GAP43: variants seen among roughly 807,000 people sequenced by gnomAD.
GAP43 encodes the protein neuromodulin.
In GAP43, 6 loss-of-function variants were observed where a neutral mutation model predicts 18.6. The ratio of observed to expected loss-of-function variants is 0.32; its 90% CI spans 0.18 to 0.64. The LOEUF (loss-of-function observed/expected upper bound fraction) is 0.64, where lower values mean the gene tolerates loss of function less well. GAP43 is among the 30% of genes least tolerant of loss of function. The probability of loss-of-function intolerance (pLI) is 0.78; values close to 1 mark genes in which losing one functional copy is unlikely to be tolerated. For missense variants in GAP43, 292 were observed against 295.5 expected (o/e 0.99, Z 0.09); for synonymous variants, 115 against 111.4 (o/e 1.03, Z -0.20).
At chr3:115,714,479 C>T (rs976601403) in intron 2 of GAP43, among the ~76,000 whole-genome samples, 4 of 152,026 alleles carry the variant, frequency 2.6e-5, no homozygotes, top group Admixed American at 6.6e-5. Flanking sequence ...GAGACTAAAT[C>T]GTGGCACAGC....
intron 1 of GAP43, among the ~76,000 whole-genome samples, chr3:115,639,170 C>G (rs756796839): frequency 1.8e-4 from 28 of 152,116 alleles, no homozygotes; most frequent in Non-Finnish European, 3.5e-4. Context: ...CTGTTCACTT[C>G]TGGCACAGTC....
intron 1 of GAP43, among the ~76,000 whole-genome samples, chr3:115,669,971 A>ATTTTTTTTTTTTT (rs1253749079): frequency 2.1e-5 from 2 of 95,444 alleles, no homozygotes; most frequent in Non-Finnish European, 5.0e-5. Flanking sequence ...TTTTATTTTT[A>ATTTTTTTTTTTTT]TTTTTTTTTT....
chr3:115,666,885 G>A (rs1335470716), intron 1 of GAP43, among the ~76,000 whole-genome samples: 4 of 152,180 alleles, frequency 2.6e-5, no homozygotes, highest in Non-Finnish European at 5.9e-5. Context: ...GCACAGTGAT[G>A]TGTTCCTCAC....
intron 1 of GAP43, among the ~76,000 whole-genome samples, chr3:115,648,835 A>G (rs1708490923): frequency 6.6e-6 from 1 of 152,160 alleles, no homozygotes; most frequent in Non-Finnish European, 1.5e-5. Flanking sequence ...AACAAAAAGA[A>G]AGCTCTAAAA....
intron 2 of GAP43, among the ~76,000 whole-genome samples, chr3:115,714,627 T>C (rs1045926131): frequency 6.6e-6 from 1 of 152,022 alleles, no homozygotes; most frequent in Non-Finnish European, 1.5e-5. Flanking sequence ...TTGAAAAAAC[T>C]TTTTTCCCCT....
chr3:115,634,633 G>T (rs999306928), intron 1 of GAP43, among the ~76,000 whole-genome samples: 1 of 152,016 alleles, frequency 6.6e-6, no homozygotes, highest in Non-Finnish European at 1.5e-5. Flanking sequence ...AGCTGGGTGT[G>T]GTGGTACATA....
intron 1 of GAP43, among the ~76,000 whole-genome samples, chr3:115,662,057 G>C (rs4831197): frequency 0.71 from 108,452 of 151,780 alleles, 38,952 homozygotes; most frequent in Admixed American, 0.8. Context: ...TTAGCTTACT[G>C]TGATAAAATA....
intron 1 of GAP43, among the ~76,000 whole-genome samples, chr3:115,637,127 A>G (rs1363455121): frequency 2.0e-5 from 3 of 152,032 alleles, no homozygotes; most frequent in Non-Finnish European, 4.4e-5. Context: ...ACAGTTCTCC[A>G]TGACCTGTTT....
chr3:115,641,107 C>T (rs570639886), intron 1 of GAP43, among the ~76,000 whole-genome samples: 1 of 150,478 alleles, frequency 6.6e-6, no homozygotes, highest in South Asian at 2.1e-4. Flanking sequence ...TCAAGCAATC[C>T]TCCTGCCTTG....
At chr3:115,664,308 C>G (rs1708704847) in intron 1 of GAP43, among the ~76,000 whole-genome samples, 1 of 151,706 alleles carries the variant, frequency 6.6e-6, no homozygotes, top group Non-Finnish European at 1.5e-5. Flanking sequence ...GTGCATATCC[C>G]TGAAACATCC....
chr3:115,681,099 C>T (rs1052346895), intron 2 of GAP43, among the ~76,000 whole-genome samples: 4 of 152,196 alleles, frequency 2.6e-5, no homozygotes, highest in African/African-American at 9.7e-5. Context: ...CATGGGCACC[C>T]TGTCAGATAC....
intron 1 of GAP43, among the ~76,000 whole-genome samples, chr3:115,654,123 C>T (rs2107476938): frequency 6.6e-6 from 1 of 152,262 alleles, no homozygotes; most frequent in East Asian, 1.9e-4. Context: ...AAGTTTTCTG[C>T]TGTGGTGTAA....
At chr3:115,694,032 G>A (rs1484436608) in intron 2 of GAP43, among the ~76,000 whole-genome samples, 1 of 152,126 alleles carries the variant, frequency 6.6e-6, no homozygotes, top group Non-Finnish European at 1.5e-5. Flanking sequence ...GCACGTGCCC[G>A]GTGGGCTGGC....
At chr3:115,700,071 A>G (rs1709278023) in intron 2 of GAP43, among the ~76,000 whole-genome samples, 2 of 152,194 alleles carry the variant, frequency 1.3e-5, no homozygotes, top group Non-Finnish European at 2.9e-5. Flanking sequence ...GTCTCAAGAA[A>G]GAGAAAAGCA....
chr3:115,624,604 C>T (rs1576972975), intron 1 of GAP43, among the ~76,000 whole-genome samples: 1 of 152,102 alleles, frequency 6.6e-6, no homozygotes, highest in African/African-American at 2.4e-5. Context: ...GGAAGAGGGA[C>T]ACATCCAAGA....
At chr3:115,627,992 A>C (rs1212028073) in intron 1 of GAP43, among the ~76,000 whole-genome samples, 1 of 152,206 alleles carries the variant, frequency 6.6e-6, no homozygotes, top group Non-Finnish European at 1.5e-5. Context: ...AAAAACCAAA[A>C]ACCAGACACA....
chr3:115,647,728 CA>C (rs1342469673), intron 1 of GAP43, among the ~76,000 whole-genome samples: 1 of 110,088 alleles, frequency 9.1e-6, no homozygotes, highest in Non-Finnish European at 1.9e-5. Context: ...CCAACAAAAA[CA>C]AAAACAAAAA....
chr3:115,669,965 ATT>A (rs555813051), intron 1 of GAP43, among the ~76,000 whole-genome samples: 4 of 100,722 alleles, frequency 4.0e-5, no homozygotes, highest in East Asian at 3.0e-4. Context: ...TCATCTTTTT[ATT>A]TTTATTTTTT....
intron 2 of GAP43, among the ~76,000 whole-genome samples, chr3:115,678,353 G>A (rs80121802): frequency 0.021 from 3,134 of 152,278 alleles, 81 homozygotes; most frequent in African/African-American, 0.063. Context: ...GTGGGAAACA[G>A]AGAAATGATG....
Sources: allele counts gnomAD v4.1 joint callset (sites outside exome capture counted in the v4.1 genomes callset), GRCh38; gene constraint gnomAD v4.1.1; transcripts MANE v1.5; gene names NCBI Gene and HGNC (gene_info 2026-07-23, HGNC 2026-07-21).